DIAPH2: variants seen among roughly 807,000 people sequenced by gnomAD.
DIAPH2 encodes the protein protein diaphanous homolog 2.
A neutral mutation model predicts 92.7 loss-of-function variants in DIAPH2; 35 were observed. The ratio of observed to expected loss-of-function variants is 0.38; its 90% CI spans 0.29 to 0.50. The LOEUF is 0.50. Ranked by LOEUF, DIAPH2 falls within the 20% of genes least tolerant of loss-of-function variation. The probability of loss-of-function intolerance (pLI) is 0.94; values close to 1 mark genes in which losing one functional copy is unlikely to be tolerated. For synonymous variants in DIAPH2, 301 were observed against 280.4 expected (o/e 1.07, Z -0.73); for missense variants, 701 against 819.5 (o/e 0.86, Z 1.77).
chrX:96,906,735 T>C (rs1407321701), intron 5 of DIAPH2, among the ~76,000 whole-genome samples: 1 of 112,310 alleles, frequency 8.9e-6, no homozygotes, highest in Non-Finnish European at 1.9e-5. Flanking sequence ...TGATGGATGA[T>C]GGAATATTTT....
chrX:97,202,080 G>T (rs964420734), intron 22 of DIAPH2, among the ~76,000 whole-genome samples: 7 of 111,573 alleles, frequency 6.3e-5, no homozygotes, highest in Non-Finnish European at 9.4e-5. Flanking sequence ...TAAGCGAAGT[G>T]GAAATAAAAT....
At chrX:96,887,103 G>A (rs1828999262) in intron 5 of DIAPH2, among the ~76,000 whole-genome samples, 1 of 111,090 alleles carries the variant, frequency 9.0e-6, no homozygotes, top group Non-Finnish European at 1.9e-5. Flanking sequence ...CTTCTGAATG[G>A]AATCGTGTGC....
In DIAPH2 at chrX:96,799,637, G is replaced by A. The variant is rs747843740; in HGVS notation, c.447+41379G>A. On this transcript the variant is annotated intron_variant, in intron 4 of 26. Transcript: ENST00000324765. ...AGCCTGGCTAGCATGGTGAAACCCC[G>A]TCTCTATTAAAAATACAAAAATTAG... Among the ~76,000 whole-genome samples, 102 of 110,421 alleles carry A rather than the reference G, an allele frequency of 9.2e-4. 1 individual carries two copies. The highest frequency in any genetic ancestry group is 2.9e-3 in the African/African-American group (88 of 30,508).
chrX:97,456,130 G>A (rs112756410), intron 26 of DIAPH2, among the ~76,000 whole-genome samples: 1,760 of 112,541 alleles, frequency 0.016, 29 homozygotes, highest in African/African-American at 0.053. Flanking sequence ...GCTCACGCCT[G>A]TAATCCCAGC....
At position 97,536,780 on chromosome X, in the gene DIAPH2, G is replaced by T. The variant is rs184524642; in HGVS notation, c.3242-62473G>T. Among the ~76,000 whole-genome samples, 57 of 111,549 alleles carry T rather than the reference G, an allele frequency of 5.1e-4. No homozygotes were observed. In the Middle Eastern group the frequency reaches 0.018, roughly 36 times the overall value. ...TCACCAAAGAGCATGTCATCAGATTGAGTGGGATACAATACAGACCTGGAT... is the reference window on the plus strand; with the variant it reads ...TCACCAAAGAGCATGTCATCAGATTTAGTGGGATACAATACAGACCTGGAT... On this transcript the variant is annotated intron_variant, in intron 26 of 26. Transcript: ENST00000324765.
chrX:97,132,069 C>T (rs895572923), intron 21 of DIAPH2, among the ~76,000 whole-genome samples: 3 of 111,764 alleles, frequency 2.7e-5, no homozygotes, highest in African/African-American at 9.8e-5. Flanking sequence ...CGGAAGGTGG[C>T]AATTGAGATG....
chrX:97,240,305 C>A (rs1053721927), intron 22 of DIAPH2, among the ~76,000 whole-genome samples: 1 of 111,447 alleles, frequency 9.0e-6, no homozygotes, highest in African/African-American at 3.3e-5. Context: ...AAATTTAGTT[C>A]TCTTTATTAA....
intron 23 of DIAPH2, among the ~76,000 whole-genome samples, chrX:97,253,268 G>A (rs970676799): frequency 1.7e-4 from 9 of 53,207 alleles, no homozygotes; most frequent in Non-Finnish European, 3.3e-4. Flanking sequence ...AGCCTGGGCG[G>A]CAAAAAGAGT....
intron 4 of DIAPH2, among the ~76,000 whole-genome samples, chrX:96,821,056 G>T (rs1372352632): frequency 2.7e-5 from 3 of 111,550 alleles, no homozygotes; most frequent in African/African-American, 9.8e-5. Context: ...GCCAGTTTGG[G>T]TAGGAAGTAG....
chrX:97,391,107 G>A (rs1352486698), intron 25 of DIAPH2, among the ~76,000 whole-genome samples: 1 of 111,458 alleles, frequency 9.0e-6, no homozygotes, highest in Non-Finnish European at 1.9e-5. Context: ...TCCATTGCAA[G>A]TGTGTAGTTT....
chrX:97,225,756 G>A (rs1602430250), intron 22 of DIAPH2, among the ~76,000 whole-genome samples: 1 of 111,242 alleles, frequency 9.0e-6, no homozygotes, highest in South Asian at 3.8e-4. Context: ...CCCAATTAAT[G>A]TATTTTTAAG....
chrX:96,837,433 CTGTGTGTGTGTGTG>C (rs1168572857), intron 4 of DIAPH2, among the ~76,000 whole-genome samples: 1 of 41,345 alleles, frequency 2.4e-5, no homozygotes, highest in East Asian at 7.8e-4. Context: ...CTCTCTCTCT[CTGTGTGTGTGTGTG>C]TGTGTGTGTG....
chrX:96,738,880 A>G, intron 3 of DIAPH2, 118 bp downstream of exon 3: 3 of 515,788 alleles, frequency 5.8e-6, no homozygotes, highest in Non-Finnish European at 5.8e-6. Flanking sequence ...AAGAGACCAG[A>G]AACTTGATAT....
At chrX:96,751,958 C>A (rs192370573) in intron 3 of DIAPH2, among the ~76,000 whole-genome samples, 1,698 of 111,038 alleles carry the variant, frequency 0.015, 128 homozygotes, top group Admixed American at 0.15. Context: ...CGGCCGACTT[C>A]AGTGTTTTTT....
intron 19 of DIAPH2, among the ~76,000 whole-genome samples, chrX:97,095,908 T>C (rs2066865498): frequency 8.9e-6 from 1 of 112,407 alleles, no homozygotes; most frequent in Non-Finnish European, 1.9e-5. Flanking sequence ...TCTCTTTTGC[T>C]GTTTTCTTTG....
chrX:97,278,012 A>T (rs746548646), intron 23 of DIAPH2, among the ~76,000 whole-genome samples: 241 of 111,167 alleles, frequency 2.2e-3, no homozygotes, highest in Non-Finnish European at 3.7e-3. Flanking sequence ...CGCCTAGTTA[A>T]TTTTTGTATT....
intron 22 of DIAPH2, among the ~76,000 whole-genome samples, chrX:97,234,066 G>A (rs2068028061): frequency 9.1e-6 from 1 of 109,981 alleles, no homozygotes; most frequent in African/African-American, 3.3e-5. Flanking sequence ...GCTCACGCCT[G>A]TAATCCCAGC....
chrX:97,296,116 A>G (rs768778565), intron 23 of DIAPH2, among the ~76,000 whole-genome samples: 1 of 111,522 alleles, frequency 9.0e-6, no homozygotes, highest in African/African-American at 3.3e-5. Flanking sequence ...ACTTCTTGCC[A>G]GAACTATTGC....
chrX:96,838,648 G>A (rs1391255960), intron 4 of DIAPH2, among the ~76,000 whole-genome samples: 1 of 111,427 alleles, frequency 9.0e-6, no homozygotes, highest in African/African-American at 3.3e-5. Flanking sequence ...GGCCTTGTGG[G>A]TGTTCTAAAG....
Sources: allele counts gnomAD v4.1 joint callset (sites outside exome capture counted in the v4.1 genomes callset), GRCh38; gene constraint gnomAD v4.1.1; transcripts MANE v1.5; gene names NCBI Gene and HGNC (gene_info 2026-07-23, HGNC 2026-07-21).